IGSF11: variants seen among roughly 807,000 people sequenced by gnomAD.
IGSF11 encodes CXADR like 1.
In IGSF11, 22 loss-of-function variants were observed where a neutral mutation model predicts 41.0. The ratio of observed to expected loss-of-function variants is 0.54; its 90% CI spans 0.38 to 0.77. The LOEUF (loss-of-function observed/expected upper bound fraction) is 0.77. Among genes scored for constraint, IGSF11 ranks in the 30% least tolerant of loss-of-function variants. IGSF11 has a pLI of 0.00. For synonymous variants in IGSF11, 219 were observed against 201.3 expected (o/e 1.09, Z -0.74); for missense variants, 444 against 530.8 (o/e 0.84, Z 1.61).
intron 1 of IGSF11, among the ~76,000 whole-genome samples, chr3:119,052,763 C>A (rs779258856): frequency 7.9e-5 from 12 of 151,778 alleles, no homozygotes; most frequent in Non-Finnish European, 1.8e-4. Flanking sequence ...ACTAACTAAT[C>A]GAATCCAACA....
At chr3:118,971,612 G>C (rs557374498) in intron 1 of IGSF11, among the ~76,000 whole-genome samples, 22 of 152,198 alleles carry the variant, frequency 1.4e-4, no homozygotes, top group Admixed American at 1.3e-3. Context: ...AGACCAGCCT[G>C]ACCAAGATGG....
At chr3:119,024,524 C>T (rs1939627821) in intron 1 of IGSF11, among the ~76,000 whole-genome samples, 2 of 152,058 alleles carry the variant, frequency 1.3e-5, no homozygotes, top group Admixed American at 1.3e-4. Flanking sequence ...GCAAAAACAA[C>T]CTCTCTCTTG....
chr3:118,949,701 C>T (rs574182335), intron 1 of IGSF11, among the ~76,000 whole-genome samples: 33 of 152,232 alleles, frequency 2.2e-4, no homozygotes, highest in African/African-American at 4.3e-4. Context: ...AAATAAGGAA[C>T]GGAGTAATAA....
chr3:119,079,923 C>T (rs183471413), intron 1 of IGSF11, among the ~76,000 whole-genome samples: 2 of 152,248 alleles, frequency 1.3e-5, no homozygotes, highest in Admixed American at 6.5e-5. Context: ...AAAAGACTAC[C>T]TATCGGGTAC....
chr3:118,947,490 A>G (rs1490158504), intron 1 of IGSF11: 1 of 152,246 alleles, frequency 6.6e-6, no homozygotes, highest in Admixed American at 6.5e-5. Context: ...TGTTCTTTAA[A>G]TTGATGGATA....
In IGSF11 at chr3:119,016,330, G is replaced by A. The variant is rs371473258; in HGVS notation, c.52+18201C>T. Among the ~76,000 whole-genome samples the A allele has an allele frequency of 1.2e-4, 19 of 152,270 alleles. No homozygotes were observed. The South Asian group carries it at 3.7e-3, about 30-fold the overall frequency. Reference sequence around the variant, plus strand: ...AGTAAAAACTGCCCAGAAATATGTCGATTCCAGCAAATAACAGCATGAACA... The same window carrying A: ...AGTAAAAACTGCCCAGAAATATGTCAATTCCAGCAAATAACAGCATGAACA... On this transcript the variant is annotated intron_variant, in intron 1 of 6. Transcript: ENST00000393775.
rs117165958 is a variant in IGSF11 at position 119,060,409 on chromosome 3, C to G, written c.49+44735G>C. 8.3e-4 allele frequency among the ~76,000 whole-genome samples: 127 copies of G among 152,234 alleles called. 3 individuals are homozygous for G. The East Asian group carries it at 0.022, about 26-fold the overall frequency. ...AACCATAAGATTTTGAAAAAATTGC[C>G]TCCAATCTGATAGCACATATGATCA... On this transcript the variant is annotated intron_variant, in intron 1 of 6. Transcript: ENST00000354673.
In IGSF11 at chr3:119,085,966, G is replaced by T. The variant is rs190499964; in HGVS notation, c.49+19178C>A. ...TTGGCCTGAGCAAAGCGGCTCTAAG[G>T]CCCTGTTACAGAGTTTTTGTGAGTT... is the stretch of plus-strand genomic sequence containing the variant. On this transcript the variant is annotated intron_variant, in intron 1 of 6. Coordinates refer to the IGSF11 transcript ENST00000354673. 2.0e-3 allele frequency among the ~76,000 whole-genome samples: 298 copies of T among 152,300 alleles called. 1 individual carries two copies. The highest frequency in any genetic ancestry group is 7.0e-3 in the African/African-American group (293 of 41,564).
At chr3:119,020,105 C>A (rs1416333491) in intron 1 of IGSF11, among the ~76,000 whole-genome samples, 3 of 152,176 alleles carry the variant, frequency 2.0e-5, no homozygotes. Context: ...TCCCCAGCCT[C>A]TAAAACTGTG....
chr3:119,052,036 A>C (rs1031877422), intron 1 of IGSF11, among the ~76,000 whole-genome samples: 1 of 152,170 alleles, frequency 6.6e-6, no homozygotes, highest in Admixed American at 6.5e-5. Context: ...CTGAAAGAGC[A>C]CAAATAGACA....
intron 1 of IGSF11, among the ~76,000 whole-genome samples, chr3:119,136,147 G>T (rs889496424): frequency 3.3e-5 from 5 of 151,998 alleles, no homozygotes; most frequent in African/African-American, 1.2e-4. Flanking sequence ...AACCAACATG[G>T]CACATGTATA....
At chr3:119,060,790 C>A (rs1031399830) in intron 1 of IGSF11, among the ~76,000 whole-genome samples, 5 of 152,130 alleles carry the variant, frequency 3.3e-5, no homozygotes, top group African/African-American at 9.6e-5. Context: ...AAACTGATAA[C>A]CTTTCTGCTA....
chr3:119,086,457 C>T (rs934631504), intron 1 of IGSF11, among the ~76,000 whole-genome samples: 1 of 149,490 alleles, frequency 6.7e-6, no homozygotes, highest in African/African-American at 2.5e-5. Context: ...AAGGTCAACA[C>T]AAAAGAAAAA....
At chr3:119,076,267 G>T (rs1285355243) in intron 1 of IGSF11, among the ~76,000 whole-genome samples, 1 of 152,142 alleles carries the variant, frequency 6.6e-6, no homozygotes, top group Non-Finnish European at 1.5e-5. Context: ...AATTCAAGAT[G>T]AATTAAAGAC....
chr3:119,005,300 G>C (rs1388735946), intron 1 of IGSF11, among the ~76,000 whole-genome samples: 3 of 147,130 alleles, frequency 2.0e-5, no homozygotes, highest in African/African-American at 7.8e-5. Context: ...GCCTTTTTTT[G>C]TTTTCCATTT....
chr3:119,064,759 T>A (rs569400200), intron 1 of IGSF11, among the ~76,000 whole-genome samples: 1 of 152,284 alleles, frequency 6.6e-6, no homozygotes, highest in East Asian at 1.9e-4. Context: ...TTATTGCTCG[T>A]ATGTGACATT....
chr3:119,127,324 T>TAA lies in IGSF11; in HGVS notation c.-14+18487_-14+18488dup, dbSNP rs111809690. On this transcript the variant is annotated intron_variant, in intron 1 of 7. Coordinates refer to the IGSF11 transcript ENST00000425327. The stretch of plus-strand genomic sequence containing the variant: ...TGAAATAAGACATGCAGACAAGAAT[T>TAA]AAAAAAAAAAATGAAAAGGAATGAA... Among the ~76,000 whole-genome samples the TAA allele has an allele frequency of 2.7e-4, 39 of 142,700 alleles. No individual in the cohort carries two copies. The East Asian group carries it at 5.5e-3, about 20-fold the overall frequency. The allele number at this position is 142,700 out of a possible 152,430, so 93.6% of individuals were successfully genotyped here.
At chr3:118,907,056 G>A (rs569976306) in intron 4 of IGSF11, among the ~76,000 whole-genome samples, 1 of 152,226 alleles carries the variant, frequency 6.6e-6, no homozygotes, top group African/African-American at 2.4e-5. Flanking sequence ...GAAGTAAATG[G>A]AAAAGCCTCC....
rs114805046 is a variant in IGSF11, at chr3:119,138,057, A to T, written c.-14+7756T>A. Among the ~76,000 whole-genome samples the T allele has an allele frequency of 6.7e-3, 1,020 of 152,178 alleles. 9 individuals are homozygous for T. The highest frequency in any genetic ancestry group is 0.011 in the Non-Finnish European group (756 of 67,988). On this transcript the variant is annotated intron_variant, in intron 1 of 7. Coordinates refer to the IGSF11 transcript ENST00000425327. Reference sequence around the variant, plus strand: ...GGTTTTTATCCAAAAGACAGGCAACATTGAATGCTGGTGAGGATGTGAAGA... The same window carrying T: ...GGTTTTTATCCAAAAGACAGGCAACTTTGAATGCTGGTGAGGATGTGAAGA...
Sources: allele counts gnomAD v4.1 joint callset (sites outside exome capture counted in the v4.1 genomes callset), GRCh38; gene constraint gnomAD v4.1.1; transcripts MANE v1.5; gene names NCBI Gene and HGNC (gene_info 2026-07-23, HGNC 2026-07-21).